ZNF682: variants seen among roughly 807,000 people sequenced by gnomAD.
ZNF682 encodes zinc finger protein 682.
ZNF682 carries 29 observed loss-of-function variants against 36.5 expected under a neutral mutation model. The ratio of observed to expected loss-of-function variants is 0.80; its 90% confidence interval spans 0.59 to 1.08. The LOEUF is 1.08. ZNF682 is among the 50% of genes least tolerant of loss of function. The pLI, the probability that ZNF682 is intolerant of heterozygous loss-of-function variation, is 0.00. For missense variants in ZNF682, 561 were observed against 579.7 expected (o/e 0.97, Z 0.33); for synonymous variants, 180 against 197.0 (o/e 0.91, Z 0.72).
chr19:20,002,249 ATTTTT>A (rs10610980), downstream of ZNF682, among the ~76,000 whole-genome samples: 10 of 127,374 alleles, frequency 7.9e-5, no homozygotes, highest in Admixed American at 3.1e-4. Context: ...CCCCTGGCTA[ATTTTT>A]TTTTTTTTTT....
intron 1 of ZNF682, chr19:20,033,302 G>C (rs1479672786): frequency 6.6e-6 from 1 of 152,298 alleles, no homozygotes; most frequent in South Asian, 2.1e-4. Context: ...TGTGGAAGAG[G>C]GATCTATGTT....
intron 1 of ZNF682, among the ~76,000 whole-genome samples, chr19:20,032,636 A>C (rs1402240958): frequency 6.6e-6 from 1 of 152,220 alleles, no homozygotes; most frequent in African/African-American, 2.4e-5. Context: ...TTAAAAGCAC[A>C]ATCATCTCCA....
chr19:19,997,814 C>T (rs910068528), intron 3 of ZNF682, among the ~76,000 whole-genome samples: 1 of 152,150 alleles, frequency 6.6e-6, no homozygotes, highest in Non-Finnish European at 1.5e-5. Flanking sequence ...ATAAAAATAG[C>T]TTTGTTCTGT....
intron 1 of ZNF682, among the ~76,000 whole-genome samples, chr19:20,038,238 T>C (rs1215468373): frequency 6.6e-6 from 1 of 151,938 alleles, no homozygotes; most frequent in Non-Finnish European, 1.5e-5. Context: ...TGGTGGAGTG[T>C]TGGGATTATT....
Position 20,004,455 on chromosome 19 carries a change from T to C in ZNF682, c.*1550A>G, listed in dbSNP as rs1229288794. The C allele has an allele frequency of 6.6e-6, 1 of 152,208 alleles. No individual in the cohort carries two copies. Among genetic ancestry groups the C allele is most frequent in the Non-Finnish European group, 1.5e-5 (1 of 68,034 alleles). 9.4% of individuals were successfully genotyped at this position (152,208 alleles called of 1,614,324 possible). A position where few individuals can be genotyped will look rare whatever the true frequency, so the allele number is the denominator to read the frequency against. ...AAATAATTGTTTTATTGAAACTAAG[T>C]TCACACAGTCTAAGAAAAGCATTAC... On this transcript the variant is annotated 3_prime_UTR_variant, in exon 4 of 4. Coordinates refer to ENST00000397165, the MANE Select transcript of ZNF682 (RefSeq NM_033196.3).
downstream of ZNF682, among the ~76,000 whole-genome samples, chr19:19,999,609 A>T (rs1385597320): frequency 6.6e-6 from 1 of 151,258 alleles, no homozygotes; most frequent in Non-Finnish European, 1.5e-5. Context: ...ATCTCGGCTC[A>T]CTGCAACCTC....
chr19:20,016,283 G>C (rs2088333913), intron 3 of ZNF682, among the ~76,000 whole-genome samples: 1 of 152,076 alleles, frequency 6.6e-6, no homozygotes, highest in African/African-American at 2.4e-5. Context: ...AGATCACAGG[G>C]CATAGAGAGA....
intron 3 of ZNF682, among the ~76,000 whole-genome samples, chr19:20,011,819 C>T (rs1187288768): frequency 2.0e-5 from 3 of 152,056 alleles, no homozygotes; most frequent in Non-Finnish European, 4.4e-5. Flanking sequence ...AGGCGGATCA[C>T]GAGATCAGAG....
Position 20,005,932 on chromosome 19 carries a change from C to T in ZNF682, c.*73G>A. On this transcript the variant is annotated 3_prime_UTR_variant, in exon 4 of 4. Coordinates refer to ENST00000397165, the MANE Select transcript of ZNF682 (RefSeq NM_033196.3). ...TCCAGTATGAATTATCTTGTGATTT[C>T]AATGCCTTGAGCAAGATTTATGGAA... 7.2e-7 allele frequency: 1 copy of T among 1,380,604 alleles called. No homozygotes were observed. Among genetic ancestry groups the T allele is most frequent in the Non-Finnish European group, 9.8e-7 (1 of 1,015,294 alleles). 85.5% of individuals were successfully genotyped at this position (1,380,604 alleles called of 1,614,324 possible). A position where few individuals can be genotyped will look rare whatever the true frequency, so the allele number is the denominator to read the frequency against.
At position 20,007,022 on chromosome 19, in the gene ZNF682, T is replaced by C. The variant is rs148270938; in HGVS notation, c.480A>G (p.Leu160=). 2.0e-5 allele frequency: 32 copies of C among 1,613,478 alleles called. No individual in the cohort carries two copies. The East Asian group carries it at 6.5e-4, about 33-fold the overall frequency. ...TAGTATGTCTTATGTTTTCTCTATTTAGATTTGATGATTTACTAAAGACTT... is the reference window on the plus strand; with the variant it reads ...TAGTATGTCTTATGTTTTCTCTATTCAGATTTGATGATTTACTAAAGACTT... ...CVKVFSKSSN[L]NRENIRHTTE... Residue 160 remains leucine, a synonymous_variant, in exon 4 of 4, where the codon CTA becomes CTG. Coordinates refer to ENST00000397165, the MANE Select transcript of ZNF682 (RefSeq NM_033196.3).
At chr19:20,033,987 C>G (rs1180738893) in intron 1 of ZNF682, 1 of 156,390 alleles carries the variant, frequency 6.4e-6, no homozygotes, top group African/African-American at 2.4e-5. Flanking sequence ...AAGGAACCAA[C>G]AGAGCTTCTG....
Position 20,005,200 on chromosome 19 carries a change from C to A in ZNF682, c.*805G>T, listed in dbSNP as rs985505482. The stretch of plus-strand genomic sequence containing the variant: ...CGCCATTCTCCTGCCTCAGCCTCTC[C>A]CAGTAGCTGGGACTACAGGCACCCG... On this transcript the variant is annotated 3_prime_UTR_variant, in exon 4 of 4. Transcript: ENST00000397165. 4 of 152,024 alleles carry A rather than the reference C, an allele frequency of 2.6e-5. No individual in the cohort carries two copies. The highest frequency in any genetic ancestry group is 9.7e-5 in the African/African-American group (4 of 41,372). The allele number at this position is 152,024 out of a possible 1,614,324, so 9.4% of individuals were successfully genotyped here. A position where few individuals can be genotyped will look rare whatever the true frequency, so the allele number is the denominator to read the frequency against.
intron 1 of ZNF682, among the ~76,000 whole-genome samples, chr19:20,024,807 CT>C (rs10712463): frequency 0.79 from 119,645 of 152,142 alleles, 47,168 homozygotes; most frequent in Middle Eastern, 0.88. Context: ...CATGGCACTC[CT>C]TGCCTGGGCG....
In ZNF682 at chr19:20,024,436, G is replaced by C. The variant is rs868539585; in HGVS notation, c.4-60C>G. 1.5e-5 allele frequency: 23 copies of C among 1,540,878 alleles called. No homozygotes were observed. The Middle Eastern group carries it at 7.0e-4, about 47-fold the overall frequency. On this transcript the variant is annotated intron_variant, in intron 1 of 3. Coordinates refer to ENST00000397165, the MANE Select transcript of ZNF682 (RefSeq NM_033196.3). Reference sequence around the variant, plus strand: ...CAATGGGCAGAGTTCTTGACTCCATGTGAAAAGAGAGAATTGCTGTGACTT... The same window carrying C: ...CAATGGGCAGAGTTCTTGACTCCATCTGAAAAGAGAGAATTGCTGTGACTT...
chr19:20,009,609 A>T (rs1032637761), intron 3 of ZNF682, among the ~76,000 whole-genome samples: 4 of 152,228 alleles, frequency 2.6e-5, no homozygotes, highest in African/African-American at 9.6e-5. Context: ...GAAATACAAA[A>T]ATAAAAGGCA....
intron 3 of ZNF682, chr19:20,008,096 C>A (rs1012729135): frequency 2.0e-5 from 3 of 152,318 alleles, no homozygotes; most frequent in Admixed American, 6.5e-5. Flanking sequence ...TGCCAACTGC[C>A]CAGGTCTTCA....
At chr19:20,031,123 C>A (rs2088475837) in intron 1 of ZNF682, 1 of 152,242 alleles carries the variant, frequency 6.6e-6, no homozygotes, top group Non-Finnish European at 1.5e-5. Context: ...TCTGTGGGAA[C>A]AGAATAGACA....
At chr19:20,038,171 A>G (rs1002585128) in intron 1 of ZNF682, among the ~76,000 whole-genome samples, 1 of 152,156 alleles carries the variant, frequency 6.6e-6, no homozygotes, top group African/African-American at 2.4e-5. Flanking sequence ...TGTGCCTAGG[A>G]AAGATTAAAG....
chr19:20,023,239 C>A, intron 2 of ZNF682, 140 bp from the exon 3 acceptor site: 4 of 685,728 alleles, frequency 5.8e-6, no homozygotes, highest in Non-Finnish European at 9.1e-6. Flanking sequence ...TGGCTCATAC[C>A]TGTAATCCCA....
Sources: allele counts gnomAD v4.1 joint callset (sites outside exome capture counted in the v4.1 genomes callset), GRCh38; gene constraint gnomAD v4.1.1; transcripts MANE v1.5; gene names NCBI Gene and HGNC (gene_info 2026-07-23, HGNC 2026-07-21).